Variants in MEI1 observed in about 807,000 individuals in gnomAD.
MEI1 encodes meiotic double-stranded break formation protein 1, also known as meiosis inhibitor protein 1.
MEI1 carries 103 observed loss-of-function variants against 146.2 expected under a neutral mutation model. The ratio of observed to expected loss-of-function variants is 0.70; its 90% CI spans 0.60 to 0.83. MEI1 has a LOEUF of 0.83. Among genes scored for constraint, MEI1 ranks in the 40% least tolerant of loss-of-function variants. The pLI is 0.00. For synonymous variants in MEI1, 652 were observed against 628.2 expected, an observed-to-expected ratio of 1.04 and a Z score of -0.57; for missense variants, 1,529 against 1,533.0, an observed-to-expected ratio of 1.00 and a Z score of 0.04.
At chr22:41,747,788 T>C (rs1004279148) in intron 14 of MEI1, among the ~76,000 whole-genome samples, 14 of 143,676 alleles carry the variant, frequency 9.7e-5, no homozygotes, top group African/African-American at 3.6e-4. Context: ...ATTATTACTA[T>C]CGTAATAGAA....
intron 18 of MEI1, among the ~76,000 whole-genome samples, chr22:41,761,652 A>C (rs1181295775): frequency 6.6e-6 from 1 of 152,104 alleles, no homozygotes; most frequent in Non-Finnish European, 1.5e-5. Context: ...ATTAAGGTAA[A>C]ATTTACACAA....
chr22:41,709,414 G>T (rs2069358736), intron 3 of MEI1: 2 of 702,080 alleles, frequency 2.8e-6, no homozygotes, highest in Non-Finnish European at 2.7e-6. Context: ...CAACCTTGTG[G>T]ATCTTCTCTG....
chr22:41,778,616 G>A (rs2075593252), intron 21 of MEI1, 92 bp from the exon 22 acceptor site: 1 of 947,146 alleles, frequency 1.1e-6, no homozygotes, highest in Middle Eastern at 2.1e-4. Context: ...CTTTGAACCT[G>A]TTATTAAGGG....
chr22:41,743,112 A>G lies in MEI1; in HGVS notation c.1364A>G (p.Tyr455Cys). The G allele has an allele frequency of 6.2e-7, 1 of 1,613,262 alleles. No individual in the cohort carries two copies. The highest frequency in any genetic ancestry group is 8.5e-7 in the Non-Finnish European group (1 of 1,179,740). The change falls in exon 12 of 31, where the codon TAT becomes TGT. Residue 455 changes from tyrosine (Y) to cysteine (C), a missense_variant. Around this residue, in one of 3 missense-constraint regions of MEI1, gnomAD observed 1,212 missense variants for 1,178.9 expected, o/e 1.03. Transcript: ENST00000401548. ...CATCAGAGCACTCCACCTGTGCAGTATGGGGAACTGCAGGCTTTGCTAGAA... is the reference window on the plus strand; with the variant it reads ...CATCAGAGCACTCCACCTGTGCAGTGTGGGGAACTGCAGGCTTTGCTAGAA... ...KDHQSTPPVQ[Y>C]GELQALLEAM...
intron 17 of MEI1, among the ~76,000 whole-genome samples, chr22:41,756,979 A>G (rs890354708): frequency 6.6e-6 from 1 of 152,242 alleles, no homozygotes; most frequent in Non-Finnish European, 1.5e-5. Context: ...ATCCAGTGAC[A>G]CTGAATGGAA....
intron 3 of MEI1, among the ~76,000 whole-genome samples, chr22:41,712,938 A>T (rs1569155658): frequency 6.6e-6 from 1 of 151,020 alleles, no homozygotes; most frequent in Non-Finnish European, 1.5e-5. Context: ...CCTCCTGAGT[A>T]GCTGGGACCA....
chr22:41,768,857 C>T (rs1450567116), intron 19 of MEI1, among the ~76,000 whole-genome samples: 3 of 152,132 alleles, frequency 2.0e-5, no homozygotes, highest in South Asian at 2.1e-4. Context: ...GGCGGGGACA[C>T]AAATCCAAAT....
At chr22:41,769,175 A>G (rs1337855056) in intron 19 of MEI1, among the ~76,000 whole-genome samples, 1 of 152,202 alleles carries the variant, frequency 6.6e-6, no homozygotes, top group African/African-American at 2.4e-5. Flanking sequence ...ACTTAGCAAA[A>G]AACTATAGTA....
intron 19 of MEI1, 90 bp from the exon 20 acceptor site, chr22:41,770,596 T>C (rs2075122329): frequency 8.0e-7 from 1 of 1,253,584 alleles, no homozygotes; most frequent in Non-Finnish European, 1.1e-6. Context: ...GAGATGACAG[T>C]ACATTTTTCC....
At chr22:41,726,487 TG>T (rs1271183214) in intron 7 of MEI1, among the ~76,000 whole-genome samples, 1 of 152,150 alleles carries the variant, frequency 6.6e-6, no homozygotes, top group African/African-American at 2.4e-5. Context: ...AAAACTGAAG[TG>T]TAATGAAATT....
intron 19 of MEI1, among the ~76,000 whole-genome samples, chr22:41,769,757 C>T (rs111228992): frequency 6.6e-6 from 1 of 151,524 alleles, no homozygotes; most frequent in African/African-American, 2.4e-5. Context: ...CAGGCATGAG[C>T]CCCCACGCCC....
chr22:41,768,512 C>G (rs2899348), intron 19 of MEI1, among the ~76,000 whole-genome samples: 126,909 of 152,166 alleles, frequency 0.83, 53,867 homozygotes, highest in African/African-American at 0.96. Flanking sequence ...TTCTCGCATT[C>G]TTATAAAGAA....
intron 6 of MEI1, 110 bp downstream of exon 6, chr22:41,718,384 G>A (rs2070410075): frequency 1.0e-6 from 1 of 993,598 alleles, no homozygotes. Flanking sequence ...TTTGCAAAAG[G>A]TAGAAGCCAC....
At chr22:41,720,499 C>T (rs1419187045) in intron 6 of MEI1, among the ~76,000 whole-genome samples, 2 of 151,844 alleles carry the variant, frequency 1.3e-5, no homozygotes, top group African/African-American at 4.8e-5. Context: ...GGTAGGATCA[C>T]AGCTCACTGC....
Position 41,730,582 on chromosome 22 carries a change from C to T in MEI1, c.1041C>T (p.Cys347=). ...SEVLVWSSCN[C]LTLLVEEPLF... is the part of the protein sequence containing the mutation. Reference sequence around the variant, plus strand: ...TGCTCGTCTGGTCCAGCTGTAACTGCTTGACACTCCTGGTAGAAGAGCCAC... The same window carrying T: ...TGCTCGTCTGGTCCAGCTGTAACTGTTTGACACTCCTGGTAGAAGAGCCAC... The change falls in exon 9 of 31, where the codon TGC becomes TGT. Residue 347 remains cysteine, a synonymous_variant. Coordinates refer to ENST00000401548, the MANE Select transcript of MEI1 (RefSeq NM_152513.4). 6.2e-7 allele frequency: 1 copy of T among 1,613,918 alleles called. No homozygotes were observed. The highest frequency in any genetic ancestry group is 8.5e-7 in the Non-Finnish European group (1 of 1,179,830).
chr22:41,796,937 T>A (rs754440192), intron 30 of MEI1, among the ~76,000 whole-genome samples: 2 of 152,108 alleles, frequency 1.3e-5, no homozygotes, highest in Non-Finnish European at 2.9e-5. Context: ...AAAACATGAC[T>A]CTGTCCCAGA....
In MEI1 at chr22:41,743,204, C is replaced by T; in HGVS notation, c.1446+10C>T. ...GAGCAGGAGGCCCCTGGTCAGTGTA[C>T]TGCAGCCTGCTGCTTCCGAAGATCA... On this transcript the variant is annotated intron_variant, in intron 12 of 30. Coordinates refer to ENST00000401548, the MANE Select transcript of MEI1 (RefSeq NM_152513.4). The T allele has an allele frequency of 6.4e-7, 1 of 1,568,802 alleles. No homozygotes were observed. The highest frequency in any genetic ancestry group is 8.8e-7 in the Non-Finnish European group (1 of 1,140,212).
intron 24 of MEI1, among the ~76,000 whole-genome samples, chr22:41,783,297 T>C (rs1362342693): frequency 1.3e-5 from 2 of 152,020 alleles, no homozygotes; most frequent in African/African-American, 2.4e-5. Flanking sequence ...AGTTCCCTGT[T>C]ATTTTATTTT....
chr22:41,757,815 G>A (rs1018699302), intron 17 of MEI1, among the ~76,000 whole-genome samples: 1 of 152,160 alleles, frequency 6.6e-6, no homozygotes, highest in Non-Finnish European at 1.5e-5. Context: ...GTCCTGAGTA[G>A]TAGCCACTCA....
Sources: gnomAD v4.1 joint callset for allele counts (sites outside exome capture counted in the v4.1 genomes callset) on GRCh38, gnomAD v4.1.1 for gene constraint, gnomAD v4.1.1 regional missense constraint, MANE v1.5 for transcripts, NCBI Gene and HGNC (gene_info 2026-07-23, HGNC 2026-07-21) for gene names.